Variants in STAU1 observed in about 807,000 individuals in gnomAD.
STAU1 encodes staufen double-stranded RNA binding protein 1, also known as double-stranded RNA-binding protein Staufen homolog 1.
A neutral mutation model predicts 62.9 loss-of-function variants in STAU1; 13 were observed. That is an observed-to-expected ratio of 0.21 (90% CI 0.13 to 0.33). The LOEUF (loss-of-function observed/expected upper bound fraction) is 0.33, where lower values mean the gene tolerates loss of function less well. Ranked by LOEUF, STAU1 falls within the 10% of genes least tolerant of loss-of-function variation. The probability of loss-of-function intolerance (pLI) is 1.00; values close to 1 mark genes in which losing one functional copy is unlikely to be tolerated. For missense variants in STAU1, 571 were observed against 712.1 expected, an observed-to-expected ratio of 0.80 and a Z score of 2.25; for synonymous variants, 269 against 265.1, an observed-to-expected ratio of 1.01 and a Z score of -0.14.
chr20:49,114,231 T>C lies in STAU1; in HGVS notation c.*647A>G, dbSNP rs549263310. ...AACTGTGCTATTTAACTAGATACAA[T>C]TGAGAAATTCTCAAATGAAAATTTT... is the stretch of plus-strand genomic sequence containing the variant. On this transcript the variant is annotated 3_prime_UTR_variant, in exon 14 of 14. Coordinates refer to ENST00000371856, the MANE Select transcript of STAU1 (RefSeq NM_017453.4). The C allele has an allele frequency of 3.3e-5, 5 of 152,756 alleles. No individual in the cohort carries two copies. Among genetic ancestry groups the C allele is most frequent in the South Asian group, 2.1e-4 (1 of 4,824 alleles). The allele number at this position is 152,756 out of a possible 1,614,324, so 9.5% of individuals were successfully genotyped here.
chr20:49,124,710 G>C, intron 6 of STAU1, 123 bp from the exon 7 acceptor site: 1 of 934,924 alleles, frequency 1.1e-6, no homozygotes, highest in African/African-American at 1.6e-5. Context: ...CCTACTAAAT[G>C]AAAGGAAGCG....
Position 49,188,123 on chromosome 20 carries a change from C to G in STAU1, c.-167G>C, listed in dbSNP as rs540690870. 1 of 151,452 alleles carries G rather than the reference C, an allele frequency of 6.6e-6. No individual in the cohort carries two copies. Among genetic ancestry groups the G allele is most frequent in the Admixed American group, 6.6e-5 (1 of 15,200 alleles). The allele number at this position is 151,452 out of a possible 1,614,324, so 9.4% of individuals were successfully genotyped here. On this transcript the variant is annotated 5_prime_UTR_variant, in exon 1 of 14. Transcript: ENST00000371856. Reference sequence around the variant, plus strand: ...CCGGCCCGGCCGCCTCACCTGGCTGCTGCTCCGAGCTCGTCCCCCGGCCGG... The same window carrying G: ...CCGGCCCGGCCGCCTCACCTGGCTGGTGCTCCGAGCTCGTCCCCCGGCCGG...
At chr20:49,148,156 T>G (rs1364101661) in intron 5 of STAU1, among the ~76,000 whole-genome samples, 5 of 152,188 alleles carry the variant, frequency 3.3e-5, no homozygotes, top group Non-Finnish European at 5.9e-5. Flanking sequence ...GGCCAAGTGT[T>G]TCACTTATTG....
At chr20:49,122,470 C>T (rs2092485156) in intron 8 of STAU1, among the ~76,000 whole-genome samples, 1 of 152,176 alleles carries the variant, frequency 6.6e-6, no homozygotes, top group African/African-American at 2.4e-5. Context: ...ACCCACATTC[C>T]CACCAGTGCA....
intron 5 of STAU1, among the ~76,000 whole-genome samples, chr20:49,148,583 G>T (rs538669024): frequency 6.6e-6 from 1 of 152,200 alleles, no homozygotes; most frequent in Admixed American, 6.5e-5. Flanking sequence ...AGCCATTTCT[G>T]ACAGGCACGG....
At chr20:49,188,701 C>T (rs966226883), upstream of STAU1, among the ~76,000 whole-genome samples, 2 of 152,224 alleles carry the variant, frequency 1.3e-5, no homozygotes, top group African/African-American at 4.8e-5. Flanking sequence ...TTCCTCTTGT[C>T]CTGCCTCTGG....
chr20:49,158,812 A>G, intron 3 of STAU1: 1 of 612,286 alleles, frequency 1.6e-6, no homozygotes, highest in Non-Finnish European at 2.4e-6. Flanking sequence ...TTTCAAAATA[A>G]AAAAAAGCCG....
the STAU1 span, among the ~76,000 whole-genome samples, chr20:49,204,623 TGTGTATATATATATATA>T: frequency 1.3e-3 from 54 of 40,336 alleles, no homozygotes; most frequent in South Asian, 3.2e-3. Flanking sequence ...TATATATATA[TGTGTATATATATATATA>T]TATATATTTT....
chr20:49,158,573 G>T, intron 3 of STAU1: 1 of 1,156,746 alleles, frequency 8.6e-7, no homozygotes, highest in Non-Finnish European at 1.2e-6. Flanking sequence ...ACTTTGGGAG[G>T]CCAAGGCAGG....
chr20:49,181,474 T>C (rs1488023051), intron 1 of STAU1, among the ~76,000 whole-genome samples: 3 of 152,048 alleles, frequency 2.0e-5, no homozygotes, highest in Non-Finnish European at 2.9e-5. Flanking sequence ...ACATCAAGTA[T>C]AGGGGCAAGG....
intron 5 of STAU1, among the ~76,000 whole-genome samples, chr20:49,140,318 CAA>C (rs1308838982): frequency 2.0e-5 from 3 of 151,982 alleles, no homozygotes; most frequent in Admixed American, 6.6e-5. Context: ...GATATACACC[CAA>C]AAGACCTGAA....
intron 12 of STAU1, among the ~76,000 whole-genome samples, chr20:49,116,620 G>C (rs1355870751): frequency 6.6e-6 from 1 of 152,134 alleles, no homozygotes; most frequent in Non-Finnish European, 1.5e-5. Flanking sequence ...ATTAGTGTGA[G>C]CCACCACACC....
At position 49,182,797 on chromosome 20, in the gene STAU1, C is replaced by CCA. The variant is rs563795779; in HGVS notation, c.-160+5317_-160+5318dup. On this transcript the variant is annotated intron_variant, in intron 1 of 13. Coordinates refer to ENST00000371856, the MANE Select transcript of STAU1 (RefSeq NM_017453.4). Reference sequence around the variant, plus strand: ...GAGCTTGCAGTGAGCCGAGATCACACCACTGCACTCCAGCCTGGGTAACAG... The same window carrying CCA: ...GAGCTTGCAGTGAGCCGAGATCACACCACACTGCACTCCAGCCTGGGTAACAG... 3.4e-3 allele frequency among the ~76,000 whole-genome samples: 508 copies of CCA among 150,544 alleles called. 3 individuals carry two copies. The highest frequency in any genetic ancestry group is 0.012 in the African/African-American group (491 of 40,744).
chr20:49,143,940 G>C (rs1232364549), intron 5 of STAU1, among the ~76,000 whole-genome samples: 1 of 152,210 alleles, frequency 6.6e-6, no homozygotes. Flanking sequence ...CTGTAGCGAT[G>C]TCAGATTCCA....
intron 7 of STAU1, among the ~76,000 whole-genome samples, chr20:49,123,466 G>T (rs2092516912): frequency 6.6e-6 from 1 of 152,108 alleles, no homozygotes; most frequent in Middle Eastern, 3.4e-3. Flanking sequence ...TCACTATAAC[G>T]AAGCGTCACT....
At chr20:49,172,161 A>C (rs1054838476) in intron 2 of STAU1, among the ~76,000 whole-genome samples, 4 of 152,196 alleles carry the variant, frequency 2.6e-5, no homozygotes, top group Admixed American at 1.3e-4. Context: ...ACACAAATGT[A>C]ACAGTTGGGA....
upstream of STAU1, among the ~76,000 whole-genome samples, chr20:49,189,483 A>G (rs2093825878): frequency 6.7e-6 from 1 of 149,272 alleles, no homozygotes; most frequent in African/African-American, 2.5e-5. Flanking sequence ...AGCCGGATGC[A>G]GTGGTGGGCG....
intron 6 of STAU1, among the ~76,000 whole-genome samples, chr20:49,126,617 T>C (rs2092631910): frequency 2.5e-5 from 1 of 39,312 alleles, no homozygotes; most frequent in Non-Finnish European, 6.3e-5. Context: ...CTTAAAAATC[T>C]AACCGATATT....
intron 6 of STAU1, among the ~76,000 whole-genome samples, chr20:49,127,878 G>C (rs916122827): frequency 2.0e-5 from 3 of 150,036 alleles, no homozygotes. Flanking sequence ...GGCTGGGCTC[G>C]GTGGCTCACG....
Sources: allele counts gnomAD v4.1 joint callset (sites outside exome capture counted in the v4.1 genomes callset), GRCh38; gene constraint gnomAD v4.1.1; transcripts MANE v1.5; gene names NCBI Gene and HGNC (gene_info 2026-07-23, HGNC 2026-07-21).